Variants in CCL28 observed in about 807,000 individuals in gnomAD.
CCL28 encodes the protein C-C motif chemokine 28.
In CCL28, 4 loss-of-function variants were observed where a neutral mutation model predicts 7.1. The ratio of observed to expected loss-of-function variants is 0.56; its 90% CI spans 0.28 to 1.29. The LOEUF (loss-of-function observed/expected upper bound fraction) is 1.29, where lower values mean the gene tolerates loss of function less well. CCL28 is among the 50% of genes most tolerant of loss of function. The pLI is 0.11. For synonymous variants in CCL28, 55 were observed against 57.8 expected (o/e 0.95, Z 0.22); for missense variants, 151 against 163.4 (o/e 0.92, Z 0.41).
At chr5:43,409,263 TA>T (rs1247437095) in intron 1 of CCL28, among the ~76,000 whole-genome samples, 1 of 152,108 alleles carries the variant, frequency 6.6e-6, no homozygotes, top group Non-Finnish European at 1.5e-5. Context: ...CCGTCTCTAC[TA>T]AAAATACAAA....
At chr5:43,405,259 T>C (rs375235168) in intron 1 of CCL28, among the ~76,000 whole-genome samples, 2 of 152,216 alleles carry the variant, frequency 1.3e-5, no homozygotes, top group East Asian at 3.8e-4. Context: ...AAAGCACTGC[T>C]CTGCAAATGT....
chr5:43,410,988 T>C (rs1741515641), intron 1 of CCL28, among the ~76,000 whole-genome samples: 1 of 152,208 alleles, frequency 6.6e-6, no homozygotes, highest in Non-Finnish European at 1.5e-5. Context: ...TGACGGACTA[T>C]ATTGGGAGTC....
chr5:43,365,463 G>A, the CCL28 span, among the ~76,000 whole-genome samples: 24 of 152,260 alleles, frequency 1.6e-4, no homozygotes, highest in Non-Finnish European at 3.1e-4. Context: ...TCATAATGTC[G>A]ATGGTCTTTA....
At chr5:43,367,814 C>T in the CCL28 span, among the ~76,000 whole-genome samples, 1 of 152,274 alleles carries the variant, frequency 6.6e-6, no homozygotes, top group African/African-American at 2.4e-5. Context: ...TCCTATTTGG[C>T]TATCTTGCCC....
rs1322229981 is a variant in CCL28 at position 43,389,315 on chromosome 5, A to G, written c.65-839T>C. Among the ~76,000 whole-genome samples the G allele has an allele frequency of 4.6e-5, 7 of 152,354 alleles. No homozygotes were observed. The East Asian group carries it at 9.6e-4, about 21-fold the overall frequency. On this transcript the variant is annotated intron_variant, in intron 1 of 2. Transcript: ENST00000361115. The stretch of plus-strand genomic sequence containing the variant: ...GTTTGTGAATACTGGTTGTTCCTAC[A>G]TTTATTAATGCATTTATTTCCTAAA...
chr5:43,402,900 G>A (rs1741099289), intron 1 of CCL28, among the ~76,000 whole-genome samples: 1 of 152,230 alleles, frequency 6.6e-6, no homozygotes, highest in Non-Finnish European at 1.5e-5. Flanking sequence ...CACCCACAGA[G>A]CCTCGCTCAC....
At chr5:43,377,501 AAAAAAAAG>A (rs1319055677), downstream of CCL28, 1 of 150,316 alleles carries the variant, frequency 6.7e-6, no homozygotes, top group Non-Finnish European at 1.5e-5. Flanking sequence ...CAAAAAAAAA[AAAAAAAAG>A]AAAGAAAGAA....
At chr5:43,386,661 AC>A (rs756023567) in intron 2 of CCL28, among the ~76,000 whole-genome samples, 7 of 152,240 alleles carry the variant, frequency 4.6e-5, no homozygotes, top group Non-Finnish European at 8.8e-5. Flanking sequence ...AGGTTCATAC[AC>A]AAAAATTTCA....
At chr5:43,370,476 A>G in the CCL28 span, among the ~76,000 whole-genome samples, 1 of 152,016 alleles carries the variant, frequency 6.6e-6, no homozygotes, top group Non-Finnish European at 1.5e-5. Flanking sequence ...TGCTTCTTCT[A>G]ATATCTTTAC....
the CCL28 span, among the ~76,000 whole-genome samples, chr5:43,366,229 T>C: frequency 4.5e-3 from 681 of 152,354 alleles, 25 homozygotes; most frequent in East Asian, 0.08. Context: ...TGTGATCCTT[T>C]GGAGGAGAAG....
chr5:43,382,737 T>A (rs1740171954), intron 2 of CCL28, among the ~76,000 whole-genome samples: 1 of 152,218 alleles, frequency 6.6e-6, no homozygotes, highest in Non-Finnish European at 1.5e-5. Flanking sequence ...ACTAAGATAT[T>A]CTAGGCATTT....
At chr5:43,375,781 T>C (rs10055041), downstream of CCL28, among the ~76,000 whole-genome samples, 15,032 of 145,428 alleles carry the variant, frequency 0.1, 1,683 homozygotes, top group African/African-American at 0.27. Flanking sequence ...CCCGTCTCTA[T>C]CAAAAATATA....
Position 43,381,958 on chromosome 5 carries a change from C to T in CCL28, c.286G>A (p.Gly96Arg). 3 of 1,614,120 alleles carry T rather than the reference C, an allele frequency of 1.9e-6. No homozygotes were observed. The highest frequency in any genetic ancestry group is 3.3e-4 in the Middle Eastern group (2 of 6,062). Residue 96 changes from glycine to arginine, a missense_variant, in exon 3 of 3, where the codon GGA becomes AGA. Gly to Arg is a moderately radical substitution (Grantham distance 125). Transcript: ENST00000361115. ...KVQAAKKNGKGNVCHRKKHHG... is the reference protein window; with the variant it reads ...KVQAAKKNGKRNVCHRKKHHG... ...TGTTTCTTCCTGTGGCAAACATTTC[C>T]TTTACCATTTTTCTTGGCAGCTTGC...
chr5:43,412,233 T>C lies in CCL28; in HGVS notation c.64+20A>G, dbSNP rs1176143915. 6 of 1,602,350 alleles carry C rather than the reference T, an allele frequency of 3.7e-6. No individual in the cohort carries two copies. The highest frequency in any genetic ancestry group is 5.1e-6 in the Non-Finnish European group (6 of 1,172,476). ...CCCCCCTTTCCAGTGAAGGCCTAAGTGTCCAGTGCCCCCACTCACCTTCTG... is the reference window on the plus strand; with the variant it reads ...CCCCCCTTTCCAGTGAAGGCCTAAGCGTCCAGTGCCCCCACTCACCTTCTG... On this transcript the variant is annotated intron_variant, in intron 1 of 2. Coordinates refer to ENST00000361115, the MANE Select transcript of CCL28 (RefSeq NM_148672.3).
chr5:43,400,744 T>C (rs1171404486), intron 1 of CCL28, among the ~76,000 whole-genome samples: 4 of 152,132 alleles, frequency 2.6e-5, no homozygotes, highest in Non-Finnish European at 5.9e-5. Flanking sequence ...AAAAATGATA[T>C]AAAAGATTCA....
downstream of CCL28, among the ~76,000 whole-genome samples, chr5:43,372,119 G>T (rs1199148592): frequency 6.6e-6 from 1 of 152,180 alleles, no homozygotes; most frequent in Non-Finnish European, 1.5e-5. Flanking sequence ...ATTCATGAAG[G>T]ATCTGCCCTA....
At chr5:43,365,700 G>A in the CCL28 span, among the ~76,000 whole-genome samples, 1 of 152,274 alleles carries the variant, frequency 6.6e-6, no homozygotes, top group South Asian at 2.1e-4. Flanking sequence ...CTTGAATGTT[G>A]TCCTGTCTTG....
the CCL28 span, among the ~76,000 whole-genome samples, chr5:43,361,177 T>G: frequency 6.6e-6 from 1 of 152,252 alleles, no homozygotes; most frequent in Non-Finnish European, 1.5e-5. Flanking sequence ...CTGCATAATA[T>G]TTCATGGTGT....
intron 1 of CCL28, among the ~76,000 whole-genome samples, chr5:43,395,381 A>C (rs1463439627): frequency 1.3e-5 from 2 of 152,080 alleles, no homozygotes; most frequent in Non-Finnish European, 2.9e-5. Context: ...GCAAAGTAAT[A>C]GTTTAAAAGT....
Sources: allele counts gnomAD v4.1 joint callset (sites outside exome capture counted in the v4.1 genomes callset), GRCh38; gene constraint gnomAD v4.1.1; transcripts MANE v1.5; gene names NCBI Gene and HGNC (gene_info 2026-07-23, HGNC 2026-07-21).